IL19: variants seen among roughly 807,000 people sequenced by gnomAD.
The protein encoded by IL19 is interleukin-19.
A neutral mutation model predicts 19.5 loss-of-function variants in IL19; 15 were observed. The observed-to-expected ratio is 0.77, with a 90% CI of 0.52 to 1.19. The LOEUF (loss-of-function observed/expected upper bound fraction) is 1.19. Ranked by LOEUF, IL19 falls within the 50% of genes most tolerant of loss-of-function variation. IL19 has a pLI of 0.00. For missense variants in IL19, 199 were observed against 213.1 expected, an observed-to-expected ratio of 0.93 and a Z score of 0.41; for synonymous variants, 78 against 78.3, an observed-to-expected ratio of 1.00 and a Z score of 0.02.
At chr1:206,808,857 T>C (rs1675926819) in intron 2 of IL19, among the ~76,000 whole-genome samples, 1 of 152,070 alleles carries the variant, frequency 6.6e-6, no homozygotes, top group Non-Finnish European at 1.5e-5. Context: ...GAGAGACAGA[T>C]GTAGTGAAGA....
At chr1:206,807,969 A>G (rs1675892296) in intron 2 of IL19, among the ~76,000 whole-genome samples, 1 of 152,256 alleles carries the variant, frequency 6.6e-6, no homozygotes, top group Non-Finnish European at 1.5e-5. Context: ...TGGAGCAGAA[A>G]GCATATTTAA....
At chr1:206,799,321 G>A (rs937644639) in intron 2 of IL19, among the ~76,000 whole-genome samples, 3 of 152,106 alleles carry the variant, frequency 2.0e-5, no homozygotes, top group Non-Finnish European at 4.4e-5. Flanking sequence ...CACACAACAA[G>A]AGTCTTCACC....
intron 2 of IL19, among the ~76,000 whole-genome samples, chr1:206,812,815 T>C (rs546106785): frequency 6.6e-6 from 1 of 152,356 alleles, no homozygotes; most frequent in African/African-American, 2.4e-5. Context: ...TATTTGTATA[T>C]ATTAATTATT....
chr1:206,838,641 C>T (rs34967806), intron 4 of IL19, among the ~76,000 whole-genome samples: 1,899 of 152,110 alleles, frequency 0.012, 35 homozygotes, highest in African/African-American at 0.042. Flanking sequence ...CAAATATATG[C>T]CCCCATCTTC....
intron 6 of IL19, 82 bp from the exon 7 acceptor site, chr1:206,842,445 G>A (rs1677046937): frequency 6.3e-6 from 5 of 795,896 alleles, no homozygotes; most frequent in East Asian, 2.7e-5. Context: ...AAACCTTGTG[G>A]GAACCAGCAT....
At chr1:206,832,888 T>C (rs1002129960) in intron 2 of IL19, among the ~76,000 whole-genome samples, 1 of 152,198 alleles carries the variant, frequency 6.6e-6, no homozygotes, top group Admixed American at 6.5e-5. Flanking sequence ...TTCTTTCCCT[T>C]GCACCTGTCC....
rs938025130 is a variant in IL19, at chr1:206,827,675, C to T, written c.-2-8986C>T. ...CACTGCACTCCAGCCTGGGTGACAG[C>T]GAGACTCCGTCTCAAAAAACAAAAC... On this transcript the variant is annotated intron_variant, in intron 2 of 6. Coordinates refer to ENST00000659997, the MANE Select transcript of IL19 (RefSeq NM_153758.5). Among the ~76,000 whole-genome samples, 4 of 147,210 alleles carry T rather than the reference C, an allele frequency of 2.7e-5. No homozygotes were observed. The East Asian group carries it at 5.9e-4, about 22-fold the overall frequency.
chr1:206,786,222 C>T lies in IL19; in HGVS notation c.-148-12639C>T, dbSNP rs937460841. 5.3e-5 allele frequency among the ~76,000 whole-genome samples: 8 copies of T among 152,146 alleles called. No homozygotes were observed. In the East Asian group the frequency reaches 5.8e-4, roughly 11 times the overall value. On this transcript the variant is annotated intron_variant, in intron 1 of 6. Transcript: ENST00000659997. ...TGGGAAAAATGCTTGTCATAGTGCA[C>T]GGTTTATAGCAAGCACTCAATGACT...
At chr1:206,810,664 C>T (rs1675981876) in intron 2 of IL19, among the ~76,000 whole-genome samples, 2 of 152,148 alleles carry the variant, frequency 1.3e-5, no homozygotes, top group Admixed American at 1.3e-4. Flanking sequence ...AGGCCAAATG[C>T]TATAATTTAA....
intron 1 of IL19, among the ~76,000 whole-genome samples, chr1:206,780,119 C>T (rs1301911457): frequency 6.6e-6 from 1 of 152,202 alleles, no homozygotes; most frequent in Non-Finnish European, 1.5e-5. Flanking sequence ...ATTCCCCAGT[C>T]TAGGTCAGGC....
At chr1:206,787,775 A>G (rs558195358) in intron 1 of IL19, among the ~76,000 whole-genome samples, 11 of 152,336 alleles carry the variant, frequency 7.2e-5, no homozygotes, top group Non-Finnish European at 1.3e-4. Flanking sequence ...CTTTGACTCA[A>G]GAAGGGAGGC....
chr1:206,839,691 T>A (rs1676932980), intron 4 of IL19, among the ~76,000 whole-genome samples, 159 bp from the exon 5 acceptor site: 1 of 152,260 alleles, frequency 6.6e-6, no homozygotes, highest in Middle Eastern at 3.4e-3. Flanking sequence ...GTAGCTTTGA[T>A]GGGAATAAGA....
intron 6 of IL19, among the ~76,000 whole-genome samples, chr1:206,841,386 C>G (rs1037540396): frequency 1.3e-5 from 2 of 152,194 alleles, no homozygotes; most frequent in Non-Finnish European, 2.9e-5. Context: ...CAAAGATCCC[C>G]CATGAAATGT....
chr1:206,829,707 T>C (rs1206173049), intron 2 of IL19, among the ~76,000 whole-genome samples: 1 of 152,138 alleles, frequency 6.6e-6, no homozygotes, highest in African/African-American at 2.4e-5. Flanking sequence ...GAGTGGATTG[T>C]TCAGGAGAGG....
intron 1 of IL19, among the ~76,000 whole-genome samples, chr1:206,773,178 T>A (rs1198128182): frequency 1.3e-5 from 2 of 152,118 alleles, no homozygotes; most frequent in Non-Finnish European, 2.9e-5. Context: ...TTGGGGGAAG[T>A]GGGTAAGAGT....
chr1:206,842,214 C>T (rs973552109), intron 6 of IL19, among the ~76,000 whole-genome samples: 5 of 151,622 alleles, frequency 3.3e-5, no homozygotes, highest in Non-Finnish European at 5.9e-5. Context: ...AGAAAATCAG[C>T]GGAACTGGCC....
intron 2 of IL19, among the ~76,000 whole-genome samples, chr1:206,830,780 C>T (rs1251881970): frequency 1.3e-5 from 2 of 152,100 alleles, no homozygotes; most frequent in African/African-American, 2.4e-5. Flanking sequence ...GGTTTCACCA[C>T]ATTGGCTAGG....
chr1:206,798,890 C>A lies in IL19; in HGVS notation c.-119C>A. ...GTGCTTGCACACACTGACAGGAGTC[C>A]AAGAATGTGCACTGAGGGAGCGTTT... On this transcript the variant is annotated 5_prime_UTR_variant, in exon 2 of 7. Coordinates refer to ENST00000659997, the MANE Select transcript of IL19 (RefSeq NM_153758.5). 6.2e-7 allele frequency: 1 copy of A among 1,606,320 alleles called. No homozygotes were observed. The highest frequency in any genetic ancestry group is 1.1e-5 in the South Asian group (1 of 90,640).
intron 2 of IL19, among the ~76,000 whole-genome samples, chr1:206,812,302 G>A (rs1676036070): frequency 6.6e-6 from 1 of 152,156 alleles, no homozygotes; most frequent in Non-Finnish European, 1.5e-5. Context: ...TCATCCCTGT[G>A]CCTTTGAACT....
Sources: gnomAD v4.1 joint callset for allele counts (sites outside exome capture counted in the v4.1 genomes callset) on GRCh38, gnomAD v4.1.1 for gene constraint, MANE v1.5 for transcripts, NCBI Gene and HGNC (gene_info 2026-07-23, HGNC 2026-07-21) for gene names.